MYT1L: variants seen among roughly 807,000 people sequenced by gnomAD.
MYT1L encodes myelin transcription factor 1-like protein.
MYT1L carries 12 observed loss-of-function variants against 126.7 expected under a neutral mutation model. That is an observed-to-expected ratio of 0.09 (90% CI 0.06 to 0.15). The LOEUF (loss-of-function observed/expected upper bound fraction) is 0.15, where lower values mean the gene tolerates loss of function less well. Ranked by LOEUF, MYT1L falls within the 10% of genes least tolerant of loss-of-function variation. MYT1L has a pLI of 1.00. For missense variants in MYT1L, 979 were observed against 1,585.2 expected (o/e 0.62, Z 6.49); for synonymous variants, 541 against 604.2 (o/e 0.90, Z 1.53).
chr2:2,251,483 C>T (rs2094648714), intron 2 of MYT1L, among the ~76,000 whole-genome samples: 1 of 152,076 alleles, frequency 6.6e-6, no homozygotes, highest in South Asian at 2.1e-4. Context: ...CAGGACTGTA[C>T]CCCCCACCTC....
intron 3 of MYT1L, among the ~76,000 whole-genome samples, chr2:2,078,481 T>G (rs1260125163): frequency 6.6e-6 from 1 of 152,048 alleles, no homozygotes; most frequent in Non-Finnish European, 1.5e-5. Flanking sequence ...AATTTGAAAG[T>G]AAAAGCATGA....
chr2:1,924,944 C>T (rs2054033088), intron 9 of MYT1L, among the ~76,000 whole-genome samples: 1 of 152,068 alleles, frequency 6.6e-6, no homozygotes, highest in Non-Finnish European at 1.5e-5. Flanking sequence ...TGGAAATATT[C>T]TCCTCTCAAT....
chr2:1,943,082 G>C lies in MYT1L; in HGVS notation c.405C>G (p.Ile135Met), dbSNP rs375288670. The C allele has an allele frequency of 1.1e-5, 16 of 1,441,250 alleles. No homozygotes were observed. Among genetic ancestry groups the C allele is most frequent in the Non-Finnish European group, 1.3e-5 (14 of 1,050,078 alleles). The allele number at this position is 1,441,250 out of a possible 1,614,324, so 89.3% of individuals were successfully genotyped here. ...EEGDREEEEE[I>M]EEEDEDDDED... The stretch of plus-strand genomic sequence containing the variant: ...CGTCATCGTCCTCATCCTCCTCCTC[G>C]ATCTCCTCCTCCTCCTCCCGGTCCC... The change falls in exon 9 of 25, where the codon ATC (isoleucine) becomes ATG (methionine). Residue 135 changes from isoleucine (I) to methionine (M), a missense_variant. Ile to Met is a conservative substitution (Grantham distance 10). Around this residue, in one of 12 missense-constraint regions of MYT1L, gnomAD observed 111 missense variants for 115.9 expected, o/e 0.96. Transcript: ENST00000647738. The surrounding 1 kb of genome is among the most constrained non-coding windows in gnomAD (Gnocchi z 4.4).
rs57105100 is a variant in MYT1L at position 2,264,512 on chromosome 2, C to T, written c.-421+19892G>A. Among the ~76,000 whole-genome samples the T allele has an allele frequency of 8.3e-3, 1,267 of 152,050 alleles. 12 individuals are homozygous for T. The highest frequency in any genetic ancestry group is 0.029 in the African/African-American group (1,185 of 41,452). On this transcript the variant is annotated intron_variant, in intron 2 of 24. Transcript: ENST00000647738. ...AGGTCATAGTGAAGCATTCACACAA[C>T]CTAATAATCTTAATCAGCTGAGCAG...
chr2:1,888,551 T>G (rs1298058225), intron 16 of MYT1L, among the ~76,000 whole-genome samples: 1 of 152,212 alleles, frequency 6.6e-6, no homozygotes, highest in Non-Finnish European at 1.5e-5. Flanking sequence ...AAAACACATT[T>G]CATTTTTCAG....
intron 2 of MYT1L, among the ~76,000 whole-genome samples, chr2:2,182,192 G>T (rs1046561538): frequency 1.3e-5 from 2 of 152,012 alleles, no homozygotes; most frequent in African/African-American, 4.8e-5. Context: ...ACTGTGTCTT[G>T]GAACTGTGGC....
intron 2 of MYT1L, among the ~76,000 whole-genome samples, chr2:2,233,890 A>C (rs1052769738): frequency 6.6e-6 from 1 of 152,186 alleles, no homozygotes; most frequent in African/African-American, 2.4e-5. Context: ...CCACTGCTCA[A>C]GGGTCTATTT....
chr2:2,233,292 A>G (rs1264725542), intron 2 of MYT1L, among the ~76,000 whole-genome samples: 1 of 152,172 alleles, frequency 6.6e-6, no homozygotes, highest in East Asian at 1.9e-4. Context: ...CAGGATCCAA[A>G]AAGGAAGCAG....
intron 3 of MYT1L, among the ~76,000 whole-genome samples, chr2:2,122,872 T>TGTGAGAGA (rs553951630): frequency 5.7e-4 from 76 of 133,074 alleles, no homozygotes; most frequent in African/African-American, 9.2e-4. Flanking sequence ...TGTGTGTGTG[T>TGTGAGAGA]GAGAGAGAGA....
At chr2:2,021,695 A>AG (rs2065043344) in intron 4 of MYT1L, among the ~76,000 whole-genome samples, 2 of 152,206 alleles carry the variant, frequency 1.3e-5, no homozygotes, top group Admixed American at 6.5e-5. Flanking sequence ...CAGGAGATTG[A>AG]GACCATCCTG....
At chr2:1,842,920 C>G (rs972228792) in intron 19 of MYT1L, 1 of 177,196 alleles carries the variant, frequency 5.6e-6, no homozygotes, top group East Asian at 1.7e-4. Flanking sequence ...CAGGCGCTTC[C>G]GCTTCCAGGC....
At chr2:2,032,663 C>T (rs1324290419) in intron 4 of MYT1L, among the ~76,000 whole-genome samples, 1 of 128,224 alleles carries the variant, frequency 7.8e-6, no homozygotes, top group Non-Finnish European at 1.6e-5. Context: ...AGAAGGAGGG[C>T]CTTACACACA....
At chr2:2,122,487 T>A (rs1292508222) in intron 3 of MYT1L, among the ~76,000 whole-genome samples, 1 of 152,134 alleles carries the variant, frequency 6.6e-6, no homozygotes, top group African/African-American at 2.4e-5. Context: ...AAGCCCACCT[T>A]CCTCCCTGTA....
chr2:2,185,943 A>T (rs1239245584), intron 2 of MYT1L, among the ~76,000 whole-genome samples: 1 of 113,984 alleles, frequency 8.8e-6, no homozygotes, highest in South Asian at 2.9e-4. Context: ...TGTGAGGCGG[A>T]CGCAGCCGGG....
intron 3 of MYT1L, among the ~76,000 whole-genome samples, chr2:2,117,622 A>G (rs143226896): frequency 3.2e-4 from 48 of 152,342 alleles, no homozygotes; most frequent in South Asian, 2.7e-3. Context: ...CTCCCTTTAG[A>G]ATGCAAATGT....
intron 3 of MYT1L, among the ~76,000 whole-genome samples, chr2:2,069,812 C>G (rs1255645191): frequency 1.3e-5 from 2 of 151,878 alleles, no homozygotes; most frequent in Non-Finnish European, 2.9e-5. Context: ...TTGCCTTTCT[C>G]TAATGACCAG....
rs1013208715 is a variant in MYT1L at position 2,255,248 on chromosome 2, G to A, written c.-421+29156C>T. On this transcript the variant is annotated intron_variant, in intron 2 of 24. Transcript: ENST00000647738. Reference sequence around the variant, plus strand: ...TCCTGACAGCCTTTCTGGGCTGCCCGATTACAGGGTGATTTCTTACCCCCC... The same window carrying A: ...TCCTGACAGCCTTTCTGGGCTGCCCAATTACAGGGTGATTTCTTACCCCCC... Among the ~76,000 whole-genome samples the A allele has an allele frequency of 5.9e-5, 9 of 152,118 alleles. 1 individual carries two copies. The South Asian group carries it at 1.0e-3, about 18-fold the overall frequency.
chr2:1,907,477 C>T (rs760939829), intron 13 of MYT1L, among the ~76,000 whole-genome samples: 33 of 152,242 alleles, frequency 2.2e-4, no homozygotes, highest in African/African-American at 6.7e-4. Flanking sequence ...ATTCCCCTGG[C>T]GGGGAAGGCC....
At chr2:1,835,912 T>A (rs1467524180) in intron 21 of MYT1L, among the ~76,000 whole-genome samples, 2 of 152,178 alleles carry the variant, frequency 1.3e-5, no homozygotes, top group Non-Finnish European at 2.9e-5. Context: ...TGAATACTGA[T>A]ACCCGGGGCT....
Sources: allele counts gnomAD v4.1 joint callset (sites outside exome capture counted in the v4.1 genomes callset), GRCh38; gene constraint gnomAD v4.1.1; regional missense constraint gnomAD v4.1.1; non-coding constraint Gnocchi (gnomAD v3.1); transcripts MANE v1.5; gene names NCBI Gene and HGNC (gene_info 2026-07-23, HGNC 2026-07-21).